Variants in BAIAP2L1 observed in about 807,000 individuals in gnomAD.
The protein encoded by BAIAP2L1 is BAR/IMD domain-containing adapter protein 2-like 1.
A neutral mutation model predicts 66.3 loss-of-function variants in BAIAP2L1; 35 were observed. That is an observed-to-expected ratio of 0.53 (90% CI 0.40 to 0.70). The LOEUF is 0.70. Among genes scored for constraint, BAIAP2L1 ranks in the 30% least tolerant of loss-of-function variants. The probability of loss-of-function intolerance (pLI) is 0.00; values close to 1 mark genes in which losing one functional copy is unlikely to be tolerated. For missense variants in BAIAP2L1, 622 were observed against 656.9 expected, an observed-to-expected ratio of 0.95 and a Z score of 0.58; for synonymous variants, 269 against 248.7, an observed-to-expected ratio of 1.08 and a Z score of -0.77.
In BAIAP2L1 at chr7:98,334,424, GTTTTT is replaced by G. The variant is rs563728880; in HGVS notation, c.215-14131_215-14127del. On this transcript the variant is annotated intron_variant, in intron 3 of 13. Coordinates refer to ENST00000005260, the MANE Select transcript of BAIAP2L1 (RefSeq NM_018842.5). Reference sequence around the variant, plus strand: ...ACTCATACTTCTAAAATATTAGTCAGTTTTTTTTTAATAACTCAAAACCTTTTAGT... The same window carrying G: ...ACTCATACTTCTAAAATATTAGTCAGTTTTAATAACTCAAAACCTTTTAGT... Among the ~76,000 whole-genome samples, 5 of 151,526 alleles carry G rather than the reference GTTTTT, an allele frequency of 3.3e-5. No homozygotes were observed. The South Asian group carries it at 8.4e-4, about 25-fold the overall frequency.
intron 1 of BAIAP2L1, among the ~76,000 whole-genome samples, chr7:98,389,493 G>C (rs1802975926): frequency 6.6e-6 from 1 of 151,850 alleles, no homozygotes; most frequent in African/African-American, 2.4e-5. Flanking sequence ...TGATTTTTTT[G>C]TATTTTTAGT....
At chr7:98,308,179 G>A (rs1249606148) in intron 9 of BAIAP2L1, 5 of 581,598 alleles carry the variant, frequency 8.6e-6, no homozygotes, top group Middle Eastern at 2.7e-4. Flanking sequence ...GGTGTGTGCC[G>A]GGTTGATCTG....
chr7:98,312,689 C>T (rs753634564), intron 7 of BAIAP2L1, among the ~76,000 whole-genome samples: 3 of 152,210 alleles, frequency 2.0e-5, no homozygotes, highest in African/African-American at 4.8e-5. Context: ...GTAGTTGACT[C>T]TGACCGATTC....
chr7:98,311,121 T>C (rs1447893156), intron 8 of BAIAP2L1, among the ~76,000 whole-genome samples: 3 of 152,234 alleles, frequency 2.0e-5, no homozygotes, highest in African/African-American at 4.8e-5. Flanking sequence ...TGTGAATACT[T>C]TGATGCCTAT....
chr7:98,374,137 TG>T, intron 1 of BAIAP2L1, among the ~76,000 whole-genome samples: 1 of 152,054 alleles, frequency 6.6e-6, no homozygotes, highest in Non-Finnish European at 1.5e-5. Context: ...TTTGTAGAGA[TG>T]GGGTCTTGCT....
intron 1 of BAIAP2L1, among the ~76,000 whole-genome samples, chr7:98,367,134 ATCTCT>A (rs1430979549): frequency 6.7e-6 from 1 of 150,178 alleles, no homozygotes; most frequent in African/African-American, 2.5e-5. Context: ...TATTTCTGTC[ATCTCT>A]TCTCAATTCT....
rs1803356238 is a variant in BAIAP2L1 at position 98,400,938 on chromosome 7, G to C, written c.-86C>G. ...CTCCGGGCAGCGGGAGGGCCGGGGCGCGACTAAGGGGCTCTGGAGGGTCGG... is the reference window on the plus strand; with the variant it reads ...CTCCGGGCAGCGGGAGGGCCGGGGCCCGACTAAGGGGCTCTGGAGGGTCGG... On this transcript the variant is annotated 5_prime_UTR_variant, in exon 1 of 14. Coordinates refer to ENST00000005260, the MANE Select transcript of BAIAP2L1 (RefSeq NM_018842.5). 7 of 1,321,442 alleles carry C rather than the reference G, an allele frequency of 5.3e-6. No homozygotes were observed. The highest frequency in any genetic ancestry group is 3.0e-5 in the East Asian group (1 of 33,476). The allele number at this position is 1,321,442 out of a possible 1,614,324, so 81.9% of individuals were successfully genotyped here.
Position 98,292,120 on chromosome 7 carries a change from G to A in BAIAP2L1, c.*1401C>T, listed in dbSNP as rs1799984398. The A allele has an allele frequency of 1.3e-5, 2 of 155,670 alleles. No individual in the cohort carries two copies. The highest frequency in any genetic ancestry group is 3.8e-4 in the South Asian group (2 of 5,280). The allele number at this position is 155,670 out of a possible 1,614,324, so 9.6% of individuals were successfully genotyped here. A position where few individuals can be genotyped will look rare whatever the true frequency, so the allele number is the denominator to read the frequency against. ...ACACTGCTGGACCTGGCTGGAAGGA[G>A]CCTGAAGCATCGGCCACGTCCACTG... On this transcript the variant is annotated 3_prime_UTR_variant, in exon 14 of 14. Transcript: ENST00000005260.
intron 1 of BAIAP2L1, among the ~76,000 whole-genome samples, chr7:98,378,778 G>C (rs1390736541): frequency 6.6e-6 from 1 of 152,008 alleles, no homozygotes; most frequent in Non-Finnish European, 1.5e-5. Context: ...TGGGACTATA[G>C]GCACACGCCA....
At chr7:98,399,552 G>GACCA (rs767435845) in intron 1 of BAIAP2L1, among the ~76,000 whole-genome samples, 27 of 152,066 alleles carry the variant, frequency 1.8e-4, no homozygotes, top group Non-Finnish European at 3.4e-4. Flanking sequence ...CCAACCAACC[G>GACCA]ACCAACCATT....
In BAIAP2L1 at chr7:98,309,104, C is replaced by T. The variant is rs1800776626; in HGVS notation, c.956-1208G>A. On this transcript the variant is annotated intron_variant, in intron 9 of 13. Transcript: ENST00000005260. The stretch of plus-strand genomic sequence containing the variant: ...TTCATGATTACAACATAAACCTGCG[C>T]CCCCTTAACCTGCCACTCTCTACTT... The T allele has an allele frequency of 1.3e-5, 2 of 152,104 alleles. 1 individual carries two copies. Among genetic ancestry groups the T allele is most frequent in the South Asian group, 4.1e-4 (2 of 4,824 alleles). 9.4% of individuals were successfully genotyped at this position (152,104 alleles called of 1,614,324 possible). A position where few individuals can be genotyped will look rare whatever the true frequency, so the allele number is the denominator to read the frequency against.
Position 98,320,056 on chromosome 7 carries a change from AC to A in BAIAP2L1, c.348+1del. Reference sequence around the variant, plus strand: ...GGGGCTGGAGGAAAACCATGCACTTACGTTCATATATTTCACGTCAAGTTCT... The same window carrying A: ...GGGGCTGGAGGAAAACCATGCACTTAGTTCATATATTTCACGTCAAGTTCT... On this transcript the variant is annotated splice_donor_variant, in intron 5 of 13. Transcript: ENST00000005260. LOFTEE classifies it high-confidence loss of function. 6.2e-7 allele frequency: 1 copy of A among 1,612,232 alleles called. No homozygotes were observed. The highest frequency in any genetic ancestry group is 1.1e-5 in the South Asian group (1 of 90,602).
At chr7:98,383,029 A>T (rs1325431611) in intron 1 of BAIAP2L1, among the ~76,000 whole-genome samples, 1 of 151,544 alleles carries the variant, frequency 6.6e-6, no homozygotes, top group Non-Finnish European at 1.5e-5. Flanking sequence ...CAAGCATGGT[A>T]GCACGTGCCT....
intron 1 of BAIAP2L1, among the ~76,000 whole-genome samples, chr7:98,376,759 G>A (rs1802643330): frequency 6.6e-6 from 1 of 151,972 alleles, no homozygotes; most frequent in Non-Finnish European, 1.5e-5. Flanking sequence ...TTGAACCCGG[G>A]AGGTGCAGGT....
chr7:98,363,027 CTTTTTT>C (rs71537235), intron 1 of BAIAP2L1, among the ~76,000 whole-genome samples: 180 of 75,558 alleles, frequency 2.4e-3, no homozygotes, highest in African/African-American at 7.6e-3. Context: ...GGCATTTTTT[CTTTTTT>C]TTTTTTTTTT....
intron 1 of BAIAP2L1, among the ~76,000 whole-genome samples, chr7:98,372,987 G>T (rs1027114108): frequency 6.6e-6 from 1 of 152,126 alleles, no homozygotes; most frequent in African/African-American, 2.4e-5. Context: ...TGATCTGGCC[G>T]CCTTGGCCTC....
chr7:98,397,545 G>A (rs1033733154), intron 1 of BAIAP2L1, among the ~76,000 whole-genome samples: 3 of 151,908 alleles, frequency 2.0e-5, no homozygotes, highest in South Asian at 2.1e-4. Flanking sequence ...GGACGGTCTC[G>A]ATCTCCTGAC....
intron 3 of BAIAP2L1, among the ~76,000 whole-genome samples, chr7:98,340,438 C>T (rs2115629584): frequency 6.6e-6 from 1 of 152,208 alleles, no homozygotes; most frequent in South Asian, 2.1e-4. Flanking sequence ...CAGGCGCCCG[C>T]CACCACTCCC....
intron 12 of BAIAP2L1, among the ~76,000 whole-genome samples, chr7:98,297,716 G>A (rs1562962938): frequency 2.0e-5 from 3 of 152,192 alleles, no homozygotes; most frequent in Non-Finnish European, 4.4e-5. Context: ...CGAGCCACTG[G>A]GATCTTTTTG....
Sources: gnomAD v4.1 joint callset for allele counts (sites outside exome capture counted in the v4.1 genomes callset) on GRCh38, gnomAD v4.1.1 for gene constraint, MANE v1.5 for transcripts, NCBI Gene and HGNC (gene_info 2026-07-23, HGNC 2026-07-21) for gene names.